The following CAMKMT variants were observed in gnomAD, a reference collection of about 807,000 sequenced individuals.
The protein encoded by CAMKMT is calmodulin-lysine N-methyltransferase.
In CAMKMT, 53 loss-of-function variants were observed where a neutral mutation model predicts 48.0. The observed-to-expected ratio is 1.10, with a 90% CI of 0.89 to 1.39. The LOEUF (loss-of-function observed/expected upper bound fraction) is 1.39, where lower values mean the gene tolerates loss of function less well. Among genes scored for constraint, CAMKMT ranks in the 40% most tolerant of loss-of-function variants. The pLI is 0.00. For synonymous variants in CAMKMT, 165 were observed against 152.3 expected (o/e 1.08, Z -0.61); for missense variants, 428 against 402.7 (o/e 1.06, Z -0.54).
intron 9 of CAMKMT, among the ~76,000 whole-genome samples, chr2:44,757,987 C>G (rs578155068): frequency 6.6e-6 from 1 of 152,302 alleles, no homozygotes; most frequent in East Asian, 1.9e-4. Flanking sequence ...ACTGCATCTC[C>G]CCTGCACATG....
intron 3 of CAMKMT, among the ~76,000 whole-genome samples, chr2:44,642,286 A>G (rs1673491195): frequency 6.6e-6 from 1 of 152,200 alleles, no homozygotes; most frequent in African/African-American, 2.4e-5. Flanking sequence ...AAGATAAGCA[A>G]AGAATGGGTG....
chr2:44,464,207 T>G (rs1417080695), intron 3 of CAMKMT, among the ~76,000 whole-genome samples: 4 of 152,180 alleles, frequency 2.6e-5, no homozygotes, highest in African/African-American at 9.6e-5. Flanking sequence ...GAAAATTCAC[T>G]GTGGAAGACC....
chr2:44,641,716 C>G (rs1442949602), intron 3 of CAMKMT, among the ~76,000 whole-genome samples: 1 of 94,562 alleles, frequency 1.1e-5, no homozygotes, highest in African/African-American at 3.2e-5. Context: ...TGTCACCAAA[C>G]CAAAATAACT....
intron 2 of CAMKMT, among the ~76,000 whole-genome samples, chr2:44,375,256 T>TTTTTA (rs1679566034): frequency 1.3e-5 from 2 of 151,764 alleles, no homozygotes; most frequent in Non-Finnish European, 2.9e-5. Context: ...AGTGGAGTAC[T>TTTTTA]CTCATCTTCC....
At chr2:44,698,883 G>T (rs967381294) in intron 3 of CAMKMT, among the ~76,000 whole-genome samples, 1 of 152,202 alleles carries the variant, frequency 6.6e-6, no homozygotes, top group Non-Finnish European at 1.5e-5. Flanking sequence ...CTCAGTTTAT[G>T]TAATATTCTA....
chr2:44,451,637 G>T (rs548217056), intron 3 of CAMKMT, among the ~76,000 whole-genome samples: 2 of 152,072 alleles, frequency 1.3e-5, no homozygotes, highest in South Asian at 4.1e-4. Flanking sequence ...ATTCAGTAAA[G>T]AGTTATCCTC....
intron 3 of CAMKMT, among the ~76,000 whole-genome samples, chr2:44,501,973 C>A (rs1406058878): frequency 6.6e-6 from 1 of 152,152 alleles, no homozygotes; most frequent in Non-Finnish European, 1.5e-5. Flanking sequence ...AGGCTTGCCT[C>A]AGGCAAAAAT....
chr2:44,746,183 A>G (rs574009370), intron 8 of CAMKMT, among the ~76,000 whole-genome samples: 2 of 152,298 alleles, frequency 1.3e-5, no homozygotes, highest in African/African-American at 4.8e-5. Context: ...TCGGAGTTCA[A>G]ATATTAGGTA....
chr2:44,646,327 T>C (rs1445118564), intron 3 of CAMKMT, among the ~76,000 whole-genome samples: 1 of 152,122 alleles, frequency 6.6e-6, no homozygotes, highest in African/African-American at 2.4e-5. Flanking sequence ...TTTTTGTTTT[T>C]TTTTTCAAAA....
At chr2:44,666,744 G>A (rs1675000910) in intron 3 of CAMKMT, among the ~76,000 whole-genome samples, 1 of 152,080 alleles carries the variant, frequency 6.6e-6, no homozygotes, top group Non-Finnish European at 1.5e-5. Context: ...CAAGTAGCTG[G>A]GAGTACAGGC....
chr2:44,754,171 T>TA, intron 9 of CAMKMT, 53 bp downstream of exon 9: 5 of 1,344,038 alleles, frequency 3.7e-6, no homozygotes, highest in Non-Finnish European at 5.3e-6. Context: ...AATTAGTCTG[T>TA]GCACAAAGAT....
intron 2 of CAMKMT, among the ~76,000 whole-genome samples, chr2:44,376,864 C>T (rs1386278854): frequency 6.6e-6 from 1 of 152,146 alleles, no homozygotes; most frequent in East Asian, 1.9e-4. Flanking sequence ...GGTTACAAAA[C>T]TCCCAAGGTT....
chr2:44,654,411 A>G (rs1308922048), intron 3 of CAMKMT, among the ~76,000 whole-genome samples: 1 of 152,132 alleles, frequency 6.6e-6, no homozygotes, highest in Non-Finnish European at 1.5e-5. Context: ...GAAAAAAACT[A>G]CTCTTAATCC....
intron 7 of CAMKMT, among the ~76,000 whole-genome samples, chr2:44,727,351 A>G (rs1678846787): frequency 6.6e-6 from 1 of 152,166 alleles, no homozygotes; most frequent in Non-Finnish European, 1.5e-5. Flanking sequence ...GGTTAGCTGT[A>G]TTCCTAGGTA....
chr2:44,663,208 G>C (rs1387212600), intron 3 of CAMKMT, among the ~76,000 whole-genome samples: 1 of 152,154 alleles, frequency 6.6e-6, no homozygotes, highest in Non-Finnish European at 1.5e-5. Flanking sequence ...GTCCTTTATA[G>C]TGTTTTTGGA....
intron 3 of CAMKMT, among the ~76,000 whole-genome samples, chr2:44,624,503 G>A (rs1441806149): frequency 6.6e-6 from 1 of 151,984 alleles, no homozygotes; most frequent in Non-Finnish European, 1.5e-5. Context: ...ACAGTCCCCA[G>A]TGTGTGATGT....
At chr2:44,362,520 G>A (rs1678013664) in intron 1 of CAMKMT, among the ~76,000 whole-genome samples, 1 of 152,066 alleles carries the variant, frequency 6.6e-6, no homozygotes, top group Non-Finnish European at 1.5e-5. Flanking sequence ...GTTTCTTCTA[G>A]CTTAACTCCC....
At chr2:44,482,331 C>T (rs1037943955) in intron 3 of CAMKMT, among the ~76,000 whole-genome samples, 2 of 152,080 alleles carry the variant, frequency 1.3e-5, no homozygotes, top group Non-Finnish European at 2.9e-5. Flanking sequence ...ATATAATAAA[C>T]TTAATCTTAA....
At chr2:44,625,067 C>G (rs896318740) in intron 3 of CAMKMT, among the ~76,000 whole-genome samples, 1 of 152,206 alleles carries the variant, frequency 6.6e-6, no homozygotes, top group Non-Finnish European at 1.5e-5. Flanking sequence ...TTGTAAGAAA[C>G]TGCCAGACTG....
Sources: allele counts gnomAD v4.1 joint callset (sites outside exome capture counted in the v4.1 genomes callset), GRCh38; gene constraint gnomAD v4.1.1; transcripts MANE v1.5; gene names NCBI Gene and HGNC (gene_info 2026-07-23, HGNC 2026-07-21).